The following FANCI variants were observed in gnomAD, a reference collection of about 807,000 sequenced individuals.
The protein encoded by FANCI is Fanconi anemia group I protein.
A neutral mutation model predicts 176.1 loss-of-function variants in FANCI; 156 were observed. That is an observed-to-expected ratio of 0.89 (90% CI 0.78 to 1.01). The LOEUF (loss-of-function observed/expected upper bound fraction) is 1.01. Among genes scored for constraint, FANCI ranks in the 50% least tolerant of loss-of-function variants. The pLI is 0.00. For missense variants in FANCI, 1,678 were observed against 1,534.1 expected, an observed-to-expected ratio of 1.09 and a Z score of -1.57; for synonymous variants, 613 against 541.7, an observed-to-expected ratio of 1.13 and a Z score of -1.83.
At chr15:89,296,702 C>G (rs192130560) in intron 24 of FANCI, among the ~76,000 whole-genome samples, 1,796 of 152,322 alleles carry the variant, frequency 0.012, 35 homozygotes, top group African/African-American at 0.041. Flanking sequence ...TCTCAATGAG[C>G]TGTTGGGTAC....
intron 23 of FANCI, 103 bp downstream of exon 23, chr15:89,294,100 T>TTTTTCTTG: frequency 7.6e-7 from 1 of 1,313,370 alleles, no homozygotes; most frequent in South Asian, 1.2e-5. Flanking sequence ...CAGTAAGAAA[T>TTTTTCTTG]AAGTCAGGAG....
Position 89,306,183 on chromosome 15 carries a change from C to A in FANCI, c.3526C>A (p.Leu1176Ile). 1 of 1,614,120 alleles carries A rather than the reference C, an allele frequency of 6.2e-7. No individual in the cohort carries two copies. Among genetic ancestry groups the A allele is most frequent in the South Asian group, 1.1e-5 (1 of 91,072 alleles). Residue 1176 changes from leucine to isoleucine, a missense_variant, in exon 32 of 38, where the codon CTT becomes ATT. Transcript: ENST00000310775. ...LCKMYTTLTA[L>I]VRYYLQVCQS... ...CAAAATGTACACCACACTTACAGCC[C>A]TTGTCAGATATGTGAGTATTTGAGA...
At chr15:89,247,177 C>G (rs766410048) in intron 1 of FANCI, among the ~76,000 whole-genome samples, 3 of 151,670 alleles carry the variant, frequency 2.0e-5, no homozygotes, top group Admixed American at 2.0e-4. Flanking sequence ...CTCCCCTTCT[C>G]ACTTGTTTTT....
chr15:89,307,440 G>T, intron 32 of FANCI, 36 bp from the exon 33 acceptor site: 1 of 1,594,850 alleles, frequency 6.3e-7, no homozygotes, highest in Non-Finnish European at 8.6e-7. Flanking sequence ...AGTTTCATAG[G>T]ACAGTCTACT....
At chr15:89,293,202 C>T (rs952648231) in intron 22 of FANCI, 139 bp downstream of exon 22, 1 of 914,578 alleles carries the variant, frequency 1.1e-6, no homozygotes, top group Non-Finnish European at 1.7e-6. Context: ...TAGTCTAAGA[C>T]TAAACTGTGT....
chr15:89,304,665 A>G (rs1457548856), intron 28 of FANCI, among the ~76,000 whole-genome samples: 1 of 152,198 alleles, frequency 6.6e-6, no homozygotes, highest in East Asian at 1.9e-4. Flanking sequence ...AGTATGTGTA[A>G]CACTGGGATG....
Position 89,282,027 on chromosome 15 carries a change from C to T in FANCI, c.1583+192C>T, listed in dbSNP as rs959873773. 3 of 580,094 alleles carry T rather than the reference C, an allele frequency of 5.2e-6. No homozygotes were observed. In the African/African-American group the frequency reaches 5.6e-5, roughly 11 times the overall value. 35.9% of individuals were successfully genotyped at this position (580,094 alleles called of 1,614,324 possible). On this transcript the variant is annotated intron_variant, in intron 16 of 37. Transcript: ENST00000310775. ...TTTTTCATTTAGTCTTCAGAGCAACCCTATGAAGTAAGAATTATTGCAATT... is the reference window on the plus strand; with the variant it reads ...TTTTTCATTTAGTCTTCAGAGCAACTCTATGAAGTAAGAATTATTGCAATT...
At chr15:89,248,678 G>A (rs2052097836) in intron 2 of FANCI, among the ~76,000 whole-genome samples, 2 of 152,102 alleles carry the variant, frequency 1.3e-5, no homozygotes, top group Admixed American at 1.3e-4. Flanking sequence ...CAAATTGAAG[G>A]CGTGAACACT....
At chr15:89,244,734 C>G (rs533819155) in intron 1 of FANCI, among the ~76,000 whole-genome samples, 1 of 152,182 alleles carries the variant, frequency 6.6e-6, no homozygotes, top group African/African-American at 2.4e-5. Flanking sequence ...GGTTTCACTT[C>G]TCTCTCTGCC....
At position 89,263,897 on chromosome 15, in the gene FANCI, C is replaced by T. The variant is rs754929965; in HGVS notation, c.546-6C>T. 11 of 1,613,914 alleles carry T rather than the reference C, an allele frequency of 6.8e-6. No individual in the cohort carries two copies. The highest frequency in any genetic ancestry group is 8.5e-6 in the Non-Finnish European group (10 of 1,179,948). ...GTCTATAGCCTTTAGAATCTTTGAT[C>T]CACAGGGATGTCCCTCTGACTGCAG... On this transcript the variant is annotated splice_polypyrimidine_tract_variant and splice_region_variant and intron_variant, in intron 7 of 37. Coordinates refer to ENST00000310775, the MANE Select transcript of FANCI (RefSeq NM_001113378.2).
rs752433847 is a variant in FANCI at position 89,312,898 on chromosome 15, C to G, written c.3652-6C>G. 1 of 1,609,920 alleles carries G rather than the reference C, an allele frequency of 6.2e-7. No individual in the cohort carries two copies. Among genetic ancestry groups the G allele is most frequent in the African/African-American group, 1.3e-5 (1 of 74,616 alleles). The stretch of plus-strand genomic sequence containing the variant: ...GGAATAAGAGAATGTGTTTCTATTT[C>G]TTTAGAATAAGAGTAAGAGCCTGAA... On this transcript the variant is annotated splice_region_variant and splice_polypyrimidine_tract_variant and intron_variant, in intron 34 of 37. Transcript: ENST00000310775.
intron 23 of FANCI, 23 bp downstream of exon 23, chr15:89,294,020 A>C: frequency 6.2e-7 from 1 of 1,613,820 alleles, no homozygotes; most frequent in Non-Finnish European, 8.5e-7. Context: ...TAGAGTGCTT[A>C]AAGACAGCCA....
chr15:89,274,185 G>T lies in FANCI; in HGVS notation c.993G>T (p.Lys331Asn). The T allele has an allele frequency of 3.2e-6, 5 of 1,575,492 alleles. No individual in the cohort carries two copies. Among genetic ancestry groups the T allele is most frequent in the Non-Finnish European group, 4.3e-6 (5 of 1,159,534 alleles). The change falls in exon 12 of 38, where the codon AAG (lysine) becomes AAT (asparagine). Residue 331 changes from lysine (K) to asparagine (N), a missense_variant. Physicochemically the swap from Lys to Asn is moderately conservative, Grantham distance 94. Transcript: ENST00000310775. ...RFQDQVLDLL[K>N]TSVVKSFKDL... The stretch of plus-strand genomic sequence containing the variant: ...TACTCAAGGTGCTTGATCTTTTAAA[G>T]ACTTCGGTTGTAAAGAGCTTTAAGG...
intron 11 of FANCI, 42 bp downstream of exon 11, chr15:89,273,511 TAAAA>T (rs34985075): frequency 0.02 from 9,335 of 467,970 alleles, 8 homozygotes; most frequent in East Asian, 0.036. Context: ...CTGTAGTTGG[TAAAA>T]AAAAAAAAAA....
chr15:89,294,775 A>G (rs1268584610), intron 23 of FANCI, 140 bp from the exon 24 acceptor site: 4 of 772,954 alleles, frequency 5.2e-6, no homozygotes, highest in Non-Finnish European at 6.0e-6. Flanking sequence ...TGGGCTGCCT[A>G]GAGAGTCTGC....
chr15:89,265,130 T>C (rs1300144213), intron 9 of FANCI, among the ~76,000 whole-genome samples: 2 of 152,132 alleles, frequency 1.3e-5, no homozygotes, highest in Non-Finnish European at 2.9e-5. Flanking sequence ...CAGAGAACAT[T>C]CTCAGGTAGG....
intron 34 of FANCI, among the ~76,000 whole-genome samples, chr15:89,309,397 G>C (rs1013444): frequency 0.31 from 46,398 of 151,954 alleles, 8,546 homozygotes; most frequent in Non-Finnish European, 0.39. Flanking sequence ...AGGAATTCAG[G>C]GAGAGATGCT....
At position 89,307,475 on chromosome 15, in the gene FANCI, G is replaced by A. The variant is rs2054768870; in HGVS notation, c.3538-1G>A. 1.2e-6 allele frequency: 2 copies of A among 1,613,568 alleles called. No homozygotes were observed. Among genetic ancestry groups the A allele is most frequent in the East Asian group, 2.2e-5 (1 of 44,896 alleles). On this transcript the variant is annotated splice_acceptor_variant, in intron 32 of 37. Transcript: ENST00000310775. LOFTEE classifies it high-confidence loss of function. Reference sequence around the variant, plus strand: ...TAAATCTAGGAATCTTTTTTTATTAGTATCTCCAGGTGTGTCAGAGCTCCG... The same window carrying A: ...TAAATCTAGGAATCTTTTTTTATTAATATCTCCAGGTGTGTCAGAGCTCCG...
intron 24 of FANCI, among the ~76,000 whole-genome samples, chr15:89,298,879 A>G (rs2054417330): frequency 2.0e-5 from 3 of 152,196 alleles, no homozygotes; most frequent in Admixed American, 6.5e-5. Context: ...AACAAAAAAT[A>G]GGCAACCTGG....
Sources: gnomAD v4.1 joint callset for allele counts (sites outside exome capture counted in the v4.1 genomes callset) on GRCh38, gnomAD v4.1.1 for gene constraint, MANE v1.5 for transcripts, NCBI Gene and HGNC (gene_info 2026-07-23, HGNC 2026-07-21) for gene names.